GMDS: variants seen among roughly 807,000 people sequenced by gnomAD.
GMDS encodes the protein GDP-mannose 4,6-dehydratase, also known as GDP-mannose 4,6 dehydratase.
A neutral mutation model predicts 49.9 loss-of-function variants in GMDS; 20 were observed. That is an observed-to-expected ratio of 0.40 (90% CI 0.28 to 0.58). The LOEUF is 0.58. Ranked by LOEUF, GMDS falls within the 20% of genes least tolerant of loss-of-function variation. The pLI, the probability that GMDS is intolerant of heterozygous loss-of-function variation, is 0.42. For missense variants in GMDS, 362 were observed against 481.4 expected (o/e 0.75, Z 2.32); for synonymous variants, 177 against 178.6 (o/e 0.99, Z 0.07).
chr6:1,899,523 A>G (rs1171068666), intron 7 of GMDS, among the ~76,000 whole-genome samples: 2 of 152,236 alleles, frequency 1.3e-5, no homozygotes, highest in African/African-American at 4.8e-5. Flanking sequence ...CTTCGTCAAG[A>G]AAGCCTGGTG....
chr6:2,234,626 A>T (rs1781268455), intron 1 of GMDS, among the ~76,000 whole-genome samples: 1 of 151,754 alleles, frequency 6.6e-6, no homozygotes, highest in African/African-American at 2.4e-5. Context: ...AATAAAAAAA[A>T]TAAAATCCTA....
chr6:1,754,350 C>T (rs1031605940), intron 7 of GMDS, among the ~76,000 whole-genome samples: 1 of 152,190 alleles, frequency 6.6e-6, no homozygotes, highest in Admixed American at 6.5e-5. Context: ...AGTCAAATCC[C>T]TGAATAGACC....
chr6:1,627,203 C>G (rs186154522), intron 9 of GMDS, among the ~76,000 whole-genome samples: 51 of 152,356 alleles, frequency 3.3e-4, no homozygotes, highest in African/African-American at 1.1e-3. Flanking sequence ...TTACACTTAA[C>G]TGTTCCTGAA....
intron 4 of GMDS, among the ~76,000 whole-genome samples, chr6:1,976,540 C>T (rs996378224): frequency 6.6e-6 from 1 of 152,070 alleles, no homozygotes; most frequent in African/African-American, 2.4e-5. Context: ...TCTGTAGATG[C>T]CTTTTTCTAA....
At chr6:1,867,679 G>A (rs903026474) in intron 7 of GMDS, among the ~76,000 whole-genome samples, 1 of 152,194 alleles carries the variant, frequency 6.6e-6, no homozygotes, top group Non-Finnish European at 1.5e-5. Context: ...AGGGAGATAT[G>A]AGAAAATTTC....
intron 4 of GMDS, among the ~76,000 whole-genome samples, chr6:1,971,466 G>C (rs1420262893): frequency 6.6e-6 from 1 of 152,184 alleles, no homozygotes; most frequent in Non-Finnish European, 1.5e-5. Context: ...AGTGACAAAT[G>C]CTAACCAGAC....
chr6:1,858,961 G>GT (rs1758061171), intron 7 of GMDS, among the ~76,000 whole-genome samples: 6 of 125,924 alleles, frequency 4.8e-5, no homozygotes, highest in East Asian at 2.2e-4. Flanking sequence ...CTTTTTTTGT[G>GT]TTTTGGGGGG....
chr6:1,743,116 C>A (rs561479957), intron 7 of GMDS, among the ~76,000 whole-genome samples: 1 of 151,996 alleles, frequency 6.6e-6, no homozygotes, highest in Non-Finnish European at 1.5e-5. Flanking sequence ...AAAGTAAGTG[C>A]GAATCATTAA....
At chr6:2,000,954 A>G (rs1185399864) in intron 4 of GMDS, among the ~76,000 whole-genome samples, 2 of 152,218 alleles carry the variant, frequency 1.3e-5, no homozygotes, top group Non-Finnish European at 2.9e-5. Flanking sequence ...GCACTGCTAT[A>G]AACATTCTTG....
intron 9 of GMDS, among the ~76,000 whole-genome samples, chr6:1,725,344 C>T (rs1165167356): frequency 6.6e-6 from 1 of 152,160 alleles, no homozygotes; most frequent in Non-Finnish European, 1.5e-5. Context: ...CATTTTGTAA[C>T]ACAGGAAGTT....
rs565866576 is a variant in GMDS, at chr6:1,793,721, T to G, written c.772-51135A>C. Among the ~76,000 whole-genome samples, 25 of 152,298 alleles carry G rather than the reference T, an allele frequency of 1.6e-4. No individual in the cohort carries two copies. The South Asian group carries it at 5.2e-3, about 32-fold the overall frequency. On this transcript the variant is annotated intron_variant, in intron 7 of 10. Transcript: ENST00000380815. ...ACCCTTTTCCTTCATTCTCTGCAAT[T>G]TTATGGTCACCTGGAATTCTGGGTT...
chr6:1,822,756 G>A (rs1770950144), intron 7 of GMDS, among the ~76,000 whole-genome samples: 1 of 152,130 alleles, frequency 6.6e-6, no homozygotes, highest in Non-Finnish European at 1.5e-5. Context: ...TGCTAAGTCA[G>A]GTTACAATAA....
At chr6:1,908,186 T>C (rs1016666390) in intron 7 of GMDS, among the ~76,000 whole-genome samples, 3 of 152,176 alleles carry the variant, frequency 2.0e-5, no homozygotes, top group African/African-American at 7.2e-5. Flanking sequence ...AAGGAATGGT[T>C]CACGTCCGGG....
In GMDS at chr6:1,836,109, C is replaced by T. The variant is rs921258019; in HGVS notation, c.772-93523G>A. Among the ~76,000 whole-genome samples the T allele has an allele frequency of 2.0e-5, 3 of 152,134 alleles. No individual in the cohort carries two copies. Among genetic ancestry groups the T allele is most frequent in the African/African-American group, 4.8e-5 (2 of 41,432 alleles). On this transcript the variant is annotated intron_variant, in intron 7 of 10. Coordinates refer to ENST00000380815, the MANE Select transcript of GMDS (RefSeq NM_001500.4). The surrounding 1 kb of genome is among the most constrained non-coding windows in gnomAD (Gnocchi z 4.2). ...GTCTCGATCTCCTGATCTCGTGATC[C>T]ACCCGCCTCAGCCTCCCAAAGTGCT...
chr6:1,976,725 A>G (rs1764925045), intron 4 of GMDS, among the ~76,000 whole-genome samples: 1 of 152,260 alleles, frequency 6.6e-6, no homozygotes, highest in Admixed American at 6.5e-5. Flanking sequence ...AGTATTAAAC[A>G]TTACTTTAAA....
chr6:1,648,910 T>C (rs1040567706), intron 9 of GMDS, among the ~76,000 whole-genome samples: 3 of 152,198 alleles, frequency 2.0e-5, no homozygotes, highest in African/African-American at 7.2e-5. Flanking sequence ...TATTTGACTT[T>C]TTTGCTCCAC....
chr6:1,941,215 G>A (rs1486004615), intron 6 of GMDS, among the ~76,000 whole-genome samples: 1 of 152,046 alleles, frequency 6.6e-6, no homozygotes, highest in Non-Finnish European at 1.5e-5. Context: ...CTATAAGCCT[G>A]GCCTTCCAAC....
At position 2,128,635 on chromosome 6, in the gene GMDS, C is replaced by T. The variant is rs375433300; in HGVS notation, c.103-3904G>A. Reference sequence around the variant, plus strand: ...TTTGAAGTAGAAAATAATCTCCTTCCTCCCACTCCTCTACCTGGCACCAAA... The same window carrying T: ...TTTGAAGTAGAAAATAATCTCCTTCTTCCCACTCCTCTACCTGGCACCAAA... On this transcript the variant is annotated intron_variant, in intron 1 of 10. Coordinates refer to ENST00000380815, the MANE Select transcript of GMDS (RefSeq NM_001500.4). 3.3e-5 allele frequency among the ~76,000 whole-genome samples: 5 copies of T among 152,306 alleles called. No individual in the cohort carries two copies. In the East Asian group the frequency reaches 7.7e-4, roughly 24 times the overall value.
At chr6:1,678,707 A>ATAAAAGAT (rs1764698039) in intron 9 of GMDS, among the ~76,000 whole-genome samples, 2 of 152,244 alleles carry the variant, frequency 1.3e-5, no homozygotes, top group Non-Finnish European at 2.9e-5. Flanking sequence ...TCAGTCAGAG[A>ATAAAAGAT]TAAAAGATTA....
Sources: gnomAD v4.1 joint callset for allele counts (sites outside exome capture counted in the v4.1 genomes callset) on GRCh38, gnomAD v4.1.1 for gene constraint, Gnocchi (gnomAD v3.1) non-coding constraint, MANE v1.5 for transcripts, NCBI Gene and HGNC (gene_info 2026-07-23, HGNC 2026-07-21) for gene names.